Variants in GTF2A1 observed in about 807,000 individuals in gnomAD.
GTF2A1 encodes transcription initiation factor IIA subunit 1.
Under a neutral mutation model 54.1 loss-of-function variants are expected in GTF2A1, and 12 were observed. That is an observed-to-expected ratio of 0.22 (90% CI 0.14 to 0.36). The LOEUF is 0.36. GTF2A1 is among the 10% of genes least tolerant of loss of function. GTF2A1 has a pLI of 1.00. For synonymous variants in GTF2A1, 145 were observed against 152.0 expected (o/e 0.95, Z 0.34); for missense variants, 335 against 442.2 (o/e 0.76, Z 2.17).
In GTF2A1 at chr14:81,193,505, G is replaced by A. The variant is rs114498126; in HGVS notation, c.613-666C>T. 1.4e-3 allele frequency among the ~76,000 whole-genome samples: 207 copies of A among 152,236 alleles called. 2 individuals carry two copies. The highest frequency in any genetic ancestry group is 4.6e-3 in the African/African-American group (191 of 41,546). On this transcript the variant is annotated intron_variant, in intron 6 of 8. Transcript: ENST00000553612. ...AAAGTCAGACATAAATACAGCAGAC[G>A]CAAGTCATTTAACTCCTCTTGGCCT...
intron 4 of GTF2A1, among the ~76,000 whole-genome samples, chr14:81,200,816 GAATA>G (rs1385450506): frequency 8.1e-6 from 1 of 123,720 alleles, no homozygotes; most frequent in Non-Finnish European, 1.7e-5. Flanking sequence ...ATTTTAAACA[GAATA>G]AAGAAAAACC....
intron 5 of GTF2A1, 160 bp downstream of exon 5, chr14:81,197,249 A>G (rs1893011663): frequency 1.3e-5 from 7 of 558,974 alleles, no homozygotes; most frequent in South Asian, 2.4e-5. Flanking sequence ...GATTACAGTT[A>G]TATGTGTTAC....
At chr14:81,206,192 C>A (rs555786554) in intron 2 of GTF2A1, among the ~76,000 whole-genome samples, 5 of 152,284 alleles carry the variant, frequency 3.3e-5, no homozygotes, top group Admixed American at 1.3e-4. Flanking sequence ...GAATACACAT[C>A]ATGTGTGGCT....
intron 4 of GTF2A1, among the ~76,000 whole-genome samples, chr14:81,199,445 C>T (rs1370191813): frequency 1.3e-5 from 2 of 152,146 alleles, no homozygotes; most frequent in East Asian, 1.9e-4. Context: ...CTGAAATAGC[C>T]TTCTACTATA....
At chr14:81,198,037 A>T (rs1415270211) in intron 4 of GTF2A1, among the ~76,000 whole-genome samples, 1 of 152,262 alleles carries the variant, frequency 6.6e-6, no homozygotes, top group African/African-American at 2.4e-5. Context: ...CTGGGAGTAC[A>T]GCTGACAATT....
chr14:81,203,877 T>G, intron 3 of GTF2A1, 23 bp downstream of exon 3: 2 of 1,577,824 alleles, frequency 1.3e-6, no homozygotes, highest in Non-Finnish European at 1.7e-6. Flanking sequence ...AAGTCATAAG[T>G]AGGAAAACAA....
intron 2 of GTF2A1, among the ~76,000 whole-genome samples, chr14:81,209,334 A>T (rs1050035356): frequency 1.3e-5 from 2 of 152,162 alleles, no homozygotes; most frequent in African/African-American, 2.4e-5. Context: ...AAGTAAGAAG[A>T]GCCTTTCACT....
In GTF2A1 at chr14:81,204,010, G is replaced by T; in HGVS notation, c.227C>A (p.Pro76His). 1.2e-6 allele frequency: 2 copies of T among 1,613,514 alleles called. No homozygotes were observed. The highest frequency in any genetic ancestry group is 8.5e-7 in the Non-Finnish European group (1 of 1,179,548). ...ATGGTGGTGATGCTGCTGCTGCTGG[G>T]GTTGATGCTGCTGTTGAACTTGCAG... Reference protein sequence around the residue: ...LLLQVQQQHQPQQQQHHHHHH... With the variant: ...LLLQVQQQHQHQQQQHHHHHH... The change falls in exon 3 of 9, where the codon CCC (proline) becomes CAC (histidine). Residue 76 changes from proline to histidine, a missense_variant. Physicochemically the swap from Pro to His is moderately conservative, Grantham distance 77. Transcript: ENST00000553612.
intron 7 of GTF2A1, among the ~76,000 whole-genome samples, chr14:81,186,888 C>A (rs1427492198): frequency 6.6e-6 from 1 of 151,942 alleles, no homozygotes; most frequent in African/African-American, 2.4e-5. Flanking sequence ...GTGGTTGAAG[C>A]TATGAGCCTT....
chr14:81,219,780 AGGCGAAAGCG>A (rs1893574636), intron 1 of GTF2A1, among the ~76,000 whole-genome samples: 1 of 152,206 alleles, frequency 6.6e-6, no homozygotes, highest in East Asian at 1.9e-4. Flanking sequence ...GTAAATTTCA[AGGCGAAAGCG>A]GGGACACTTG....
rs1269590210 is a variant in GTF2A1 at position 81,176,815 on chromosome 14, C to A, written c.*3408G>T. ...ACAAAGATGGATCAACAAACTATTACATTGCACAAAAGCTTAAAAAAAAGA... is the reference window on the plus strand; with the variant it reads ...ACAAAGATGGATCAACAAACTATTAAATTGCACAAAAGCTTAAAAAAAAGA... On this transcript the variant is annotated 3_prime_UTR_variant, in exon 9 of 9. Coordinates refer to ENST00000553612, the MANE Select transcript of GTF2A1 (RefSeq NM_015859.4). The A allele has an allele frequency of 6.6e-6, 1 of 151,934 alleles. No individual in the cohort carries two copies. Among genetic ancestry groups the A allele is most frequent in the Non-Finnish European group, 1.5e-5 (1 of 67,918 alleles). 9.4% of individuals were successfully genotyped at this position (151,934 alleles called of 1,614,324 possible). A position where few individuals can be genotyped will look rare whatever the true frequency, so the allele number is the denominator to read the frequency against.
chr14:81,196,383 T>C (rs1892994484), intron 5 of GTF2A1, 142 bp from the exon 6 acceptor site: 3 of 788,848 alleles, frequency 3.8e-6, no homozygotes, highest in Non-Finnish European at 6.2e-6. Flanking sequence ...TTGTCATTCA[T>C]ACACAGTATG....
chr14:81,180,704 T>C (rs191337465), intron 8 of GTF2A1, among the ~76,000 whole-genome samples: 74 of 152,332 alleles, frequency 4.9e-4, no homozygotes, highest in Admixed American at 1.9e-3. Context: ...AATTTATCTG[T>C]AATTAGTACT....
chr14:81,215,679 G>A (rs1239314756), intron 2 of GTF2A1, among the ~76,000 whole-genome samples: 2 of 152,108 alleles, frequency 1.3e-5, no homozygotes, highest in Non-Finnish European at 2.9e-5. Flanking sequence ...CTTTTATCAA[G>A]CACTTAATCC....
chr14:81,196,886 T>C (rs148327387), intron 5 of GTF2A1, among the ~76,000 whole-genome samples: 99 of 152,194 alleles, frequency 6.5e-4, no homozygotes, highest in African/African-American at 2.2e-3. Context: ...ATACACAGAA[T>C]AGAAAATAAA....
At chr14:81,215,174 TCAAA>T (rs1893459911) in intron 2 of GTF2A1, among the ~76,000 whole-genome samples, 1 of 152,242 alleles carries the variant, frequency 6.6e-6, no homozygotes, top group Non-Finnish European at 1.5e-5. Flanking sequence ...TTACGGAATA[TCAAA>T]CAATCAAATT....
intron 2 of GTF2A1, among the ~76,000 whole-genome samples, chr14:81,210,352 C>G (rs1380319921): frequency 6.6e-6 from 1 of 151,998 alleles, no homozygotes; most frequent in Non-Finnish European, 1.5e-5. Context: ...TTTTATTTAT[C>G]AAAATATTAG....
At chr14:81,185,893 T>A (rs1892733550) in intron 7 of GTF2A1, among the ~76,000 whole-genome samples, 1 of 152,240 alleles carries the variant, frequency 6.6e-6, no homozygotes, top group African/African-American at 2.4e-5. Flanking sequence ...AGACACAGTC[T>A]CGCTCTGTAG....
intron 4 of GTF2A1, among the ~76,000 whole-genome samples, chr14:81,197,771 G>C (rs1210504178): frequency 6.6e-6 from 1 of 150,626 alleles, no homozygotes; most frequent in African/African-American, 2.4e-5. Context: ...TTTCCTTCTT[G>C]TCCCATCAAT....
Sources: allele counts gnomAD v4.1 joint callset (sites outside exome capture counted in the v4.1 genomes callset), GRCh38; gene constraint gnomAD v4.1.1; transcripts MANE v1.5; gene names NCBI Gene and HGNC (gene_info 2026-07-23, HGNC 2026-07-21).